The following RIMS2 variants were observed in gnomAD, a reference collection of about 807,000 sequenced individuals.
RIMS2 encodes the protein regulating synaptic membrane exocytosis protein 2.
A neutral mutation model predicts 174.4 loss-of-function variants in RIMS2; 59 were observed. The observed-to-expected ratio is 0.34, with a 90% CI of 0.27 to 0.42. RIMS2 has a LOEUF of 0.42. Among genes scored for constraint, RIMS2 ranks in the 10% least tolerant of loss-of-function variants. The pLI, the probability that RIMS2 is intolerant of heterozygous loss-of-function variation, is 1.00. For missense variants in RIMS2, 1,620 were observed against 1,666.3 expected (o/e 0.97, Z 0.48); for synonymous variants, 606 against 572.5 (o/e 1.06, Z -0.84).
intron 3 of RIMS2, among the ~76,000 whole-genome samples, chr8:103,811,620 A>G (rs1230344408): frequency 6.6e-6 from 1 of 151,920 alleles, no homozygotes; most frequent in African/African-American, 2.4e-5. Flanking sequence ...AATTTTTTGC[A>G]TTTTTAATAG....
rs188235540 is a variant in RIMS2, at chr8:104,170,502, T to G, written c.3335-74414T>G. ...ACCTGCTCACTTTTGGTTTCCATTC[T>G]TGTGAAACATCTTTTTCCACCTCTT... On this transcript the variant is annotated intron_variant, in intron 19 of 23. Coordinates refer to ENST00000504942, the Ensembl canonical transcript of RIMS2. 1.8e-3 allele frequency among the ~76,000 whole-genome samples: 281 copies of G among 152,232 alleles called. 1 individual carries two copies. The highest frequency in any genetic ancestry group is 6.3e-3 in the African/African-American group (263 of 41,566).
intron 3 of RIMS2, among the ~76,000 whole-genome samples, chr8:103,790,712 T>G (rs2098489132): frequency 6.6e-6 from 1 of 152,222 alleles, no homozygotes; most frequent in South Asian, 2.1e-4. Context: ...TATTTATATA[T>G]CTTCTTTGGA....
chr8:103,749,110 AT>A (rs11391244), intron 2 of RIMS2, among the ~76,000 whole-genome samples: 2,740 of 138,094 alleles, frequency 0.02, 33 homozygotes, highest in Non-Finnish European at 0.03. Context: ...TATGCTTTCT[AT>A]TTTTTTTTTT....
chr8:103,655,411 G>C (rs906989838), intron 1 of RIMS2, among the ~76,000 whole-genome samples: 1 of 151,920 alleles, frequency 6.6e-6, no homozygotes, highest in African/African-American at 2.4e-5. Flanking sequence ...GCCTTATAAT[G>C]CAACTGTCAT....
At chr8:104,091,921 G>A (rs1247169576) in intron 19 of RIMS2, among the ~76,000 whole-genome samples, 2 of 151,590 alleles carry the variant, frequency 1.3e-5, no homozygotes, top group South Asian at 2.1e-4. Flanking sequence ...GAATTTAATT[G>A]TATGCTTTTC....
At chr8:103,922,651 A>G (rs1163507654) in intron 10 of RIMS2, 9 of 403,364 alleles carry the variant, frequency 2.2e-5, no homozygotes, top group Admixed American at 1.1e-4. Flanking sequence ...AGTTACAGTT[A>G]AAAACTAAAT....
intron 19 of RIMS2, among the ~76,000 whole-genome samples, chr8:104,218,938 T>C (rs1053636456): frequency 5.9e-5 from 9 of 152,188 alleles, no homozygotes; most frequent in African/African-American, 2.2e-4. Flanking sequence ...TAATCCATGG[T>C]CTAGACATGA....
At chr8:103,795,246 A>G (rs994785370) in intron 3 of RIMS2, among the ~76,000 whole-genome samples, 12 of 152,220 alleles carry the variant, frequency 7.9e-5, no homozygotes, top group African/African-American at 2.9e-4. Flanking sequence ...TTGTAATACT[A>G]TGCAGCCATA....
At chr8:103,600,419 G>A (rs1369076566) in intron 1 of RIMS2, among the ~76,000 whole-genome samples, 1 of 152,142 alleles carries the variant, frequency 6.6e-6, no homozygotes, top group Non-Finnish European at 1.5e-5. Context: ...ACAGGCATGT[G>A]CCACCATGCC....
chr8:104,176,807 T>C (rs1302755691), intron 19 of RIMS2, among the ~76,000 whole-genome samples: 1 of 152,052 alleles, frequency 6.6e-6, no homozygotes, highest in Non-Finnish European at 1.5e-5. Context: ...TCAATACTTC[T>C]GTAAGCTACA....
intron 7 of RIMS2, among the ~76,000 whole-genome samples, chr8:103,915,964 G>A (rs562864831): frequency 1.3e-5 from 2 of 151,914 alleles, no homozygotes; most frequent in African/African-American, 4.8e-5. Context: ...AATGGATACT[G>A]TTGGAGAAAT....
intron 19 of RIMS2, among the ~76,000 whole-genome samples, chr8:104,152,588 A>C (rs973699301): frequency 6.6e-6 from 1 of 152,110 alleles, no homozygotes; most frequent in Non-Finnish European, 1.5e-5. Flanking sequence ...ACAAATCTTC[A>C]AATTTCAGTA....
intron 9 of RIMS2, chr8:103,921,048 A>AACAACAAC (rs1595176259): frequency 5.1e-6 from 1 of 196,864 alleles, no homozygotes; most frequent in Non-Finnish European, 1.0e-5. Flanking sequence ...ACAACAACAA[A>AACAACAAC]AACAGGTCTT....
At chr8:104,176,171 T>A (rs2098892031) in intron 19 of RIMS2, among the ~76,000 whole-genome samples, 1 of 152,202 alleles carries the variant, frequency 6.6e-6, no homozygotes, top group East Asian at 1.9e-4. Context: ...CATTGCCACA[T>A]ATCTGGCAAT....
rs1296857235 is a variant in RIMS2, at chr8:103,636,053, A to C, written c.177-61033A>C. On this transcript the variant is annotated intron_variant, in intron 1 of 23. Transcript: ENST00000504942. The stretch of plus-strand genomic sequence containing the variant: ...TGGTGGATCCCTTCTACTCCAGGTC[A>C]GCTCACACTCTCCAAAGTGTAAAGG... Among the ~76,000 whole-genome samples the C allele has an allele frequency of 2.6e-5, 4 of 152,314 alleles. No individual in the cohort carries two copies. In the East Asian group the frequency reaches 7.7e-4, roughly 29 times the overall value.
At chr8:104,195,871 AT>A (rs1299781785) in intron 19 of RIMS2, among the ~76,000 whole-genome samples, 2 of 152,180 alleles carry the variant, frequency 1.3e-5, no homozygotes, top group East Asian at 3.8e-4. Context: ...CATGAGACAG[AT>A]TAACAGGACA....
chr8:103,913,424 A>G (rs1381312945), intron 6 of RIMS2, among the ~76,000 whole-genome samples: 1 of 151,796 alleles, frequency 6.6e-6, no homozygotes, highest in Non-Finnish European at 1.5e-5. Context: ...ACAGAGTGAG[A>G]CTCTGTCTCT....
chr8:103,582,233 T>TCATC lies in RIMS2; in HGVS notation c.176+81172_176+81175dup. 2.0e-5 allele frequency among the ~76,000 whole-genome samples: 3 copies of TCATC among 152,062 alleles called. No homozygotes were observed. In the South Asian group the frequency reaches 6.3e-4, roughly 32 times the overall value. On this transcript the variant is annotated intron_variant, in intron 1 of 23. Transcript: ENST00000504942. ...GGAAAGGACTCAGTCCTGGAAGCAT[T>TCATC]CATCACCTGCTAATTGAAGAGGCCT...
chr8:103,601,678 G>A (rs1159003551), intron 1 of RIMS2, among the ~76,000 whole-genome samples: 3 of 151,782 alleles, frequency 2.0e-5, no homozygotes, highest in African/African-American at 7.3e-5. Flanking sequence ...TTATTGATGA[G>A]GACTTACTCC....
Sources: allele counts gnomAD v4.1 joint callset (sites outside exome capture counted in the v4.1 genomes callset), GRCh38; gene constraint gnomAD v4.1.1; transcripts MANE v1.5; gene names NCBI Gene and HGNC (gene_info 2026-07-23, HGNC 2026-07-21).